NRG3: variants seen among roughly 807,000 people sequenced by gnomAD.
The protein encoded by NRG3 is neuregulin 3.
In NRG3, 31 loss-of-function variants were observed where a neutral mutation model predicts 66.9. The ratio of observed to expected loss-of-function variants is 0.46; its 90% CI spans 0.35 to 0.63. The LOEUF (loss-of-function observed/expected upper bound fraction) is 0.63. Ranked by LOEUF, NRG3 falls within the 20% of genes least tolerant of loss-of-function variation. NRG3 has a pLI of 0.00. For synonymous variants in NRG3, 393 were observed against 359.4 expected (o/e 1.09, Z -1.06); for missense variants, 910 against 878.9 (o/e 1.04, Z -0.45).
chr10:82,733,127 G>A (rs970327642), intron 2 of NRG3, among the ~76,000 whole-genome samples: 22 of 152,146 alleles, frequency 1.4e-4, no homozygotes, highest in African/African-American at 4.8e-4. Context: ...AAAACTTTAT[G>A]TCTAAAATCA....
chr10:82,237,095 A>G (rs112876519), intron 1 of NRG3, among the ~76,000 whole-genome samples: 9 of 152,284 alleles, frequency 5.9e-5, no homozygotes, highest in African/African-American at 1.9e-4. Flanking sequence ...GAAGATTAAC[A>G]TAATATCAGA....
chr10:82,651,504 T>C (rs1486673597), intron 2 of NRG3, among the ~76,000 whole-genome samples: 1 of 152,192 alleles, frequency 6.6e-6, no homozygotes, highest in Admixed American at 6.5e-5. Context: ...ATCTGCCATG[T>C]CATAAGGACA....
intron 1 of NRG3, among the ~76,000 whole-genome samples, chr10:82,072,280 G>A (rs1033049601): frequency 2.6e-5 from 4 of 152,210 alleles, no homozygotes; most frequent in Non-Finnish European, 5.9e-5. Context: ...CATGAAGTGT[G>A]ATTTTAAGTC....
chr10:82,043,244 T>C (rs2063124446), intron 1 of NRG3, among the ~76,000 whole-genome samples: 1 of 152,088 alleles, frequency 6.6e-6, no homozygotes, highest in Non-Finnish European at 1.5e-5. Context: ...ATCTACACTA[T>C]ATTGATAGTA....
At chr10:82,141,910 AC>A (rs2069817583) in intron 1 of NRG3, among the ~76,000 whole-genome samples, 2 of 152,148 alleles carry the variant, frequency 1.3e-5, no homozygotes, top group Non-Finnish European at 2.9e-5. Flanking sequence ...AGAGGTGCAT[AC>A]TACGTGAAGT....
intron 2 of NRG3, among the ~76,000 whole-genome samples, chr10:82,482,277 T>C (rs1842333903): frequency 6.6e-6 from 1 of 152,198 alleles, no homozygotes; most frequent in Admixed American, 6.5e-5. Flanking sequence ...GCACACTTAG[T>C]AGAAAGGCTG....
intron 1 of NRG3, among the ~76,000 whole-genome samples, chr10:82,162,770 C>T (rs1293640590): frequency 6.6e-6 from 1 of 152,100 alleles, no homozygotes; most frequent in Non-Finnish European, 1.5e-5. Context: ...CTCTTTCTAG[C>T]ACGTGGAATC....
chr10:82,451,809 G>A (rs2091029585), intron 2 of NRG3, among the ~76,000 whole-genome samples: 1 of 152,012 alleles, frequency 6.6e-6, no homozygotes, highest in African/African-American at 2.4e-5. Flanking sequence ...GCCCCAAGAG[G>A]CAAAAAGACC....
chr10:82,004,684 A>G (rs2061317496), intron 1 of NRG3, among the ~76,000 whole-genome samples: 1 of 152,174 alleles, frequency 6.6e-6, no homozygotes, highest in Non-Finnish European at 1.5e-5. Context: ...ATTTGGAGAT[A>G]ATGTCTTTAA....
At chr10:82,318,645 G>A (rs2081411494) in intron 1 of NRG3, among the ~76,000 whole-genome samples, 1 of 152,072 alleles carries the variant, frequency 6.6e-6, no homozygotes, top group South Asian at 2.1e-4. Flanking sequence ...CTGCTCTCTG[G>A]ACACAGAGTC....
intron 2 of NRG3, among the ~76,000 whole-genome samples, chr10:82,691,704 C>T (rs923847371): frequency 5.3e-5 from 8 of 152,166 alleles, no homozygotes; most frequent in African/African-American, 1.9e-4. Flanking sequence ...CCTATAGTGT[C>T]AAACATTGCT....
At chr10:82,717,014 T>C (rs2057012343) in intron 2 of NRG3, among the ~76,000 whole-genome samples, 1 of 152,214 alleles carries the variant, frequency 6.6e-6, no homozygotes, top group African/African-American at 2.4e-5. Context: ...TAGTCTTTCA[T>C]TGGAACTAGT....
intron 1 of NRG3, among the ~76,000 whole-genome samples, chr10:82,288,096 A>T (rs1327959040): frequency 6.6e-6 from 1 of 152,208 alleles, no homozygotes; most frequent in East Asian, 1.9e-4. Flanking sequence ...GATTACCAGG[A>T]GAATTGAAAG....
chr10:82,664,253 T>C (rs542220067), intron 2 of NRG3, among the ~76,000 whole-genome samples: 1 of 152,296 alleles, frequency 6.6e-6, no homozygotes, highest in African/African-American at 2.4e-5. Flanking sequence ...ATTTCTGTCA[T>C]TACTCTCTGC....
intron 2 of NRG3, among the ~76,000 whole-genome samples, chr10:82,619,269 A>T (rs1038852158): frequency 6.6e-6 from 1 of 152,208 alleles, no homozygotes; most frequent in Non-Finnish European, 1.5e-5. Flanking sequence ...TGGCACCATT[A>T]TGTGAATATG....
At chr10:82,902,024 T>C (rs745306097) in intron 4 of NRG3, among the ~76,000 whole-genome samples, 6 of 152,210 alleles carry the variant, frequency 3.9e-5, no homozygotes, top group Non-Finnish European at 5.9e-5. Flanking sequence ...TAGGTAAATA[T>C]ATAGCTAGAT....
At chr10:82,971,531 G>A (rs1032839981) in intron 6 of NRG3, among the ~76,000 whole-genome samples, 1 of 151,568 alleles carries the variant, frequency 6.6e-6, no homozygotes, top group Non-Finnish European at 1.5e-5. Context: ...CAATCTCCCG[G>A]GTTCAAGCTA....
intron 4 of NRG3, among the ~76,000 whole-genome samples, chr10:82,866,561 T>C (rs1840760575): frequency 6.6e-6 from 1 of 152,184 alleles, no homozygotes; most frequent in Admixed American, 6.5e-5. Context: ...GACAGCTCAA[T>C]TCCTGCAGGC....
intron 1 of NRG3, among the ~76,000 whole-genome samples, chr10:82,161,220 G>T (rs2071570901): frequency 6.6e-6 from 1 of 152,092 alleles, no homozygotes; most frequent in Admixed American, 6.6e-5. Flanking sequence ...AAGAATTGGA[G>T]TCACCGGCAT....
Sources: allele counts gnomAD v4.1 joint callset (sites outside exome capture counted in the v4.1 genomes callset), GRCh38; gene constraint gnomAD v4.1.1; transcripts MANE v1.5; gene names NCBI Gene and HGNC (gene_info 2026-07-23, HGNC 2026-07-21).